Variants in HMGB1 observed in about 807,000 individuals in gnomAD.
The protein encoded by HMGB1 is high mobility group protein B1.
For synonymous variants in HMGB1, 81 were observed against 84.0 expected (o/e 0.96, Z 0.19); for missense variants, 79 against 253.5 (o/e 0.31, Z 4.67).
At chr13:30,534,387 A>G (rs1291253273) in intron 1 of HMGB1, among the ~76,000 whole-genome samples, 1 of 152,216 alleles carries the variant, frequency 6.6e-6, no homozygotes, top group Non-Finnish European at 1.5e-5. Context: ...GGATGCGAGC[A>G]CAATATAATA....
intron 1 of HMGB1, chr13:30,464,345 A>G (rs925918211): frequency 7.9e-5 from 78 of 985,008 alleles, no homozygotes; most frequent in Non-Finnish European, 9.2e-5. Context: ...TCCGGTCTGA[A>G]GTTTCTCCGA....
chr13:30,512,900 C>T (rs1339588518), intron 1 of HMGB1, among the ~76,000 whole-genome samples: 7 of 152,184 alleles, frequency 4.6e-5, no homozygotes, highest in Non-Finnish European at 7.4e-5. Context: ...CAGTGGCTCA[C>T]ACCTGTAATC....
chr13:30,612,793 T>G (rs1950524379), intron 1 of HMGB1, among the ~76,000 whole-genome samples: 2 of 152,240 alleles, frequency 1.3e-5, no homozygotes. Context: ...CTAATCAACA[T>G]GTTGTGTGAT....
intron 1 of HMGB1, among the ~76,000 whole-genome samples, chr13:30,485,447 G>A (rs372920835): frequency 2.4e-4 from 37 of 152,316 alleles, no homozygotes; most frequent in Middle Eastern, 3.4e-3. Context: ...TCAGCATGCC[G>A]CAGCCATCAC....
At chr13:30,571,158 G>GATAT (rs989485701) in intron 1 of HMGB1, among the ~76,000 whole-genome samples, 1 of 152,020 alleles carries the variant, frequency 6.6e-6, no homozygotes, top group Non-Finnish European at 1.5e-5. Flanking sequence ...GAAAATTTGT[G>GATAT]ATATATATAG....
intron 1 of HMGB1, among the ~76,000 whole-genome samples, chr13:30,488,223 C>G (rs367790799): frequency 1.3e-5 from 2 of 152,056 alleles, no homozygotes; most frequent in African/African-American, 4.8e-5. Flanking sequence ...AAAACAGACA[C>G]CATTAATTAT....
intron 1 of HMGB1, among the ~76,000 whole-genome samples, chr13:30,591,114 TCCA>T (rs1275047678): frequency 7.6e-6 from 1 of 131,188 alleles, no homozygotes. Flanking sequence ...CACTGCAACC[TCCA>T]CCTCCAGGGT....
At chr13:30,567,083 C>T (rs991542787) in intron 1 of HMGB1, among the ~76,000 whole-genome samples, 2 of 152,144 alleles carry the variant, frequency 1.3e-5, no homozygotes, top group Admixed American at 6.5e-5. Context: ...TGGATTTTCT[C>T]GAGCTAACTA....
chr13:30,519,617 G>A lies in HMGB1; in HGVS notation c.-14-55923C>T, dbSNP rs546995916. ...TGGGAGGCTGAGGCAGGAGAATGGC[G>A]TGAACCCAGGAGACGGAGCTTGCAG... On this transcript the variant is annotated intron_variant, in intron 1 of 4. Transcript: ENST00000405805. Among the ~76,000 whole-genome samples the A allele has an allele frequency of 1.6e-4, 24 of 149,722 alleles. No individual in the cohort carries two copies. The South Asian group carries it at 4.0e-3, about 25-fold the overall frequency.
At chr13:30,603,195 T>C (rs897769008) in intron 1 of HMGB1, among the ~76,000 whole-genome samples, 14 of 152,164 alleles carry the variant, frequency 9.2e-5, no homozygotes, top group African/African-American at 3.4e-4. Flanking sequence ...ATTTCAAGGC[T>C]TTCCTTCCAA....
Position 30,465,893 on chromosome 13 carries a change from G to T in HMGB1, c.-112C>A. 1 of 985,786 alleles carries T rather than the reference G, an allele frequency of 1.0e-6. No individual in the cohort carries two copies. The allele number at this position is 985,786 out of a possible 1,614,324, so 61.1% of individuals were successfully genotyped here. A position where few individuals can be genotyped will look rare whatever the true frequency, so the allele number is the denominator to read the frequency against. Reference sequence around the variant, plus strand: ...AATGTACTGCAATGGCTGTGAGAGCGGGAGCCAGACGCAGCCTCCTCACTC... The same window carrying T: ...AATGTACTGCAATGGCTGTGAGAGCTGGAGCCAGACGCAGCCTCCTCACTC... On this transcript the variant is annotated 5_prime_UTR_variant, in exon 1 of 5. Transcript: ENST00000341423.
At chr13:30,543,903 A>G (rs1164140534) in intron 1 of HMGB1, among the ~76,000 whole-genome samples, 3 of 152,236 alleles carry the variant, frequency 2.0e-5, no homozygotes, top group Non-Finnish European at 2.9e-5. Flanking sequence ...TAATTCAGGC[A>G]TAAAGGGTCT....
At chr13:30,578,294 T>G (rs962710372) in intron 1 of HMGB1, among the ~76,000 whole-genome samples, 1 of 150,452 alleles carries the variant, frequency 6.6e-6, no homozygotes, top group African/African-American at 2.4e-5. Context: ...ACCATTATCA[T>G]ACTGAAGTGA....
chr13:30,517,074 A>T (rs1328134589), intron 1 of HMGB1, among the ~76,000 whole-genome samples: 1 of 152,238 alleles, frequency 6.6e-6, no homozygotes, highest in African/African-American at 2.4e-5. Flanking sequence ...TACTTCCAAA[A>T]AGAAGGAATG....
At chr13:30,501,123 A>G (rs1026697126) in intron 1 of HMGB1, among the ~76,000 whole-genome samples, 1 of 152,222 alleles carries the variant, frequency 6.6e-6, no homozygotes, top group Non-Finnish European at 1.5e-5. Flanking sequence ...GTCTGAGTAT[A>G]ATATTCTAAT....
chr13:30,545,994 G>A (rs762834927), intron 1 of HMGB1, among the ~76,000 whole-genome samples: 4 of 152,144 alleles, frequency 2.6e-5, no homozygotes, highest in Non-Finnish European at 5.9e-5. Flanking sequence ...GAGCCACCAC[G>A]TGCAGCCACA....
At chr13:30,606,410 T>G (rs555333764) in intron 1 of HMGB1, among the ~76,000 whole-genome samples, 6 of 152,332 alleles carry the variant, frequency 3.9e-5, no homozygotes, top group African/African-American at 1.4e-4. Flanking sequence ...CTACCATCTC[T>G]CATTTACCCT....
At chr13:30,552,644 A>T (rs2137514659) in intron 1 of HMGB1, among the ~76,000 whole-genome samples, 1 of 152,212 alleles carries the variant, frequency 6.6e-6, no homozygotes. Flanking sequence ...ACTCAGCTAG[A>T]CCCATTTTAA....
At chr13:30,545,430 A>G (rs906146622) in intron 1 of HMGB1, among the ~76,000 whole-genome samples, 3 of 151,316 alleles carry the variant, frequency 2.0e-5, no homozygotes, top group Admixed American at 2.0e-4. Flanking sequence ...ATCTGGCAGC[A>G]TAGTTTTGTC....
Sources: gnomAD v4.1 joint callset for allele counts (sites outside exome capture counted in the v4.1 genomes callset) on GRCh38, gnomAD v4.1.1 for gene constraint, MANE v1.5 for transcripts, NCBI Gene and HGNC (gene_info 2026-07-23, HGNC 2026-07-21) for gene names.